The following PHIP variants were observed in gnomAD, a reference collection of about 807,000 sequenced individuals.
PHIP encodes the protein PHIP subunit of CUL4-Ring ligase complex.
Under a neutral mutation model 236.8 loss-of-function variants are expected in PHIP, and 54 were observed. That is an observed-to-expected ratio of 0.23 (90% CI 0.18 to 0.29). PHIP has a LOEUF of 0.29. Ranked by LOEUF, PHIP falls within the 10% of genes least tolerant of loss-of-function variation. The probability of loss-of-function intolerance (pLI) is 1.00; values close to 1 mark genes in which losing one functional copy is unlikely to be tolerated. For synonymous variants in PHIP, 756 were observed against 718.9 expected (o/e 1.05, Z -0.83); for missense variants, 1,370 against 2,190.8 (o/e 0.63, Z 7.48).
At position 79,015,247 on chromosome 6, in the gene PHIP, T is replaced by C. The variant is rs200214523; in HGVS notation, c.1390-31A>G. 476 of 1,540,064 alleles carry C rather than the reference T, an allele frequency of 3.1e-4. No homozygotes were observed. The highest frequency in any genetic ancestry group is 8.4e-4 in the Admixed American group (48 of 57,016). On this transcript the variant is annotated intron_variant, in intron 14 of 39. Coordinates refer to ENST00000275034, the MANE Select transcript of PHIP (RefSeq NM_017934.7). The stretch of plus-strand genomic sequence containing the variant: ...ATATTTTTGAAGTGTCAAAGAATCA[T>C]AGATATTAAAAAAGAAAGAAAAACA...
chr6:78,974,747 C>G (rs1767916599), intron 24 of PHIP, among the ~76,000 whole-genome samples: 1 of 152,058 alleles, frequency 6.6e-6, no homozygotes, highest in Admixed American at 6.6e-5. Context: ...ACAAACACTT[C>G]TACGCAAATA....
chr6:79,025,820 G>A, intron 8 of PHIP, 123 bp downstream of exon 8: 1 of 766,730 alleles, frequency 1.3e-6, no homozygotes, highest in Non-Finnish European at 2.2e-6. Context: ...CTTATATACT[G>A]GATTATAAAG....
At chr6:78,962,361 C>T (rs1357782387) in intron 30 of PHIP, among the ~76,000 whole-genome samples, 1 of 152,134 alleles carries the variant, frequency 6.6e-6, no homozygotes, top group Non-Finnish European at 1.5e-5. Context: ...CAATTTTTTG[C>T]TCATTCGCAT....
intron 27 of PHIP, among the ~76,000 whole-genome samples, chr6:78,967,797 A>G (rs935357224): frequency 1.3e-5 from 2 of 152,094 alleles, no homozygotes; most frequent in Non-Finnish European, 2.9e-5. Flanking sequence ...TTTGATCTCT[A>G]TTATTTGTTC....
chr6:78,985,225 C>A, intron 22 of PHIP, 127 bp downstream of exon 22: 1 of 644,478 alleles, frequency 1.6e-6, no homozygotes, highest in Admixed American at 2.7e-5. Context: ...ACATTTCATA[C>A]AACTTCAAAA....
chr6:78,947,530 T>C, intron 36 of PHIP, 93 bp downstream of exon 36: 2 of 627,206 alleles, frequency 3.2e-6, no homozygotes, highest in Non-Finnish European at 5.4e-6. Flanking sequence ...GAAAGTTAAC[T>C]TTGACCTAAA....
Position 79,015,846 on chromosome 6 carries a change from T to C in PHIP, c.1236-63A>G, listed in dbSNP as rs1431257463. ...TACTGACACAACAAAAACCAAAACA[T>C]ATAATCTATAATTAGTATTTATATT... On this transcript the variant is annotated intron_variant, in intron 13 of 39. Coordinates refer to ENST00000275034, the MANE Select transcript of PHIP (RefSeq NM_017934.7). The C allele has an allele frequency of 5.8e-6, 6 of 1,031,134 alleles. No individual in the cohort carries two copies. The East Asian group carries it at 1.3e-4, about 22-fold the overall frequency. The allele number at this position is 1,031,134 out of a possible 1,614,324, so 63.9% of individuals were successfully genotyped here.
In PHIP at chr6:78,940,837, C is replaced by T. The variant is rs745809630; in HGVS notation, c.5322G>A (p.Arg1774=). The part of the protein sequence containing the change: ...PHMRTRNQGR[R]TAFYNEDDSE... ...AGTCATCCTCATTATAGAAAGCTGT[C>T]CTTCGACCTTGATTTCTAGTTCTCA... The change falls in exon 40 of 40, where the codon AGG becomes AGA. Residue 1774 remains arginine, a synonymous_variant. Coordinates refer to ENST00000275034, the MANE Select transcript of PHIP (RefSeq NM_017934.7). The T allele has an allele frequency of 1.2e-6, 2 of 1,613,974 alleles. No homozygotes were observed. The highest frequency in any genetic ancestry group is 1.7e-6 in the Non-Finnish European group (2 of 1,179,932).
chr6:79,020,149 A>G (rs1771042546), intron 9 of PHIP, among the ~76,000 whole-genome samples: 1 of 151,784 alleles, frequency 6.6e-6, no homozygotes, highest in Non-Finnish European at 1.5e-5. Flanking sequence ...TGCAAAAATA[A>G]TTGCGGTTTT....
Position 79,019,058 on chromosome 6 carries a change from T to A in PHIP, c.994+31A>T, listed in dbSNP as rs779417245. The A allele has an allele frequency of 3.3e-6, 5 of 1,522,514 alleles. No individual in the cohort carries two copies. In the African/African-American group the frequency reaches 5.5e-5, roughly 17 times the overall value. 94.3% of individuals were successfully genotyped at this position (1,522,514 alleles called of 1,614,324 possible). A position where few individuals can be genotyped will look rare whatever the true frequency, so the allele number is the denominator to read the frequency against. On this transcript the variant is annotated intron_variant, in intron 10 of 39. Transcript: ENST00000275034. ...TATAAGGCTTCTAAATGAACAACTT[T>A]AAGTCGAAAATTAGAATGAGGGAAA... is the stretch of plus-strand genomic sequence containing the variant.
intron 35 of PHIP, among the ~76,000 whole-genome samples, chr6:78,949,172 C>G (rs1230839635): frequency 6.6e-6 from 1 of 151,932 alleles, no homozygotes; most frequent in East Asian, 1.9e-4. Flanking sequence ...TCCTTTGTTC[C>G]CGGTTTTCTT....
At chr6:78,981,839 G>C (rs147492147) in intron 23 of PHIP, among the ~76,000 whole-genome samples, 1 of 152,074 alleles carries the variant, frequency 6.6e-6, no homozygotes, top group Non-Finnish European at 1.5e-5. Context: ...AAGAAAATGT[G>C]TGGGTAAATG....
intron 7 of PHIP, among the ~76,000 whole-genome samples, chr6:79,032,240 GA>G (rs1428988845): frequency 6.6e-6 from 1 of 152,188 alleles, no homozygotes; most frequent in East Asian, 1.9e-4. Flanking sequence ...GATCAGGGTG[GA>G]GTTGCTGAAG....
intron 4 of PHIP, among the ~76,000 whole-genome samples, chr6:79,071,396 C>T (rs528517827): frequency 6.6e-6 from 1 of 152,174 alleles, no homozygotes; most frequent in African/African-American, 2.4e-5. Context: ...ACATTATTCA[C>T]TGCAAAGTAA....
In PHIP at chr6:78,935,046, G is replaced by C. The variant is rs552549830; in HGVS notation, c.*5647C>G. On this transcript the variant is annotated 3_prime_UTR_variant, in exon 40 of 40. Transcript: ENST00000275034. ...TGCTTTGGTCTTTAATCTTACTTCC[G>C]TTAAATACTGGGGAATCCTGGGTCA... Among the ~76,000 whole-genome samples the C allele has an allele frequency of 6.6e-6, 1 of 152,088 alleles. No individual in the cohort carries two copies. Among genetic ancestry groups the C allele is most frequent in the Non-Finnish European group, 1.5e-5 (1 of 67,994 alleles).
At chr6:78,951,169 T>C (rs1197873111) in intron 35 of PHIP, among the ~76,000 whole-genome samples, 3 of 152,148 alleles carry the variant, frequency 2.0e-5, no homozygotes, top group African/African-American at 7.2e-5. Context: ...TTACAAACTT[T>C]GTGGATTTGG....
rs1773239885 is a variant in PHIP, at chr6:78,935,436, C to CTTTT, written c.*5256_*5257insAAAA. The CTTTT allele has an allele frequency of 1.1e-6, 1 of 899,184 alleles. No homozygotes were observed. Among genetic ancestry groups the CTTTT allele is most frequent in the Non-Finnish European group, 1.3e-6 (1 of 751,598 alleles). The allele number at this position is 899,184 out of a possible 1,614,324, so 55.7% of individuals were successfully genotyped here. On this transcript the variant is annotated 3_prime_UTR_variant, in exon 40 of 40. Coordinates refer to ENST00000275034, the MANE Select transcript of PHIP (RefSeq NM_017934.7). ...TTTCTAGGAAAACTGCAATAACCTTCTTTCCATCATTCCTTTTTTCCCAGA... is the reference window on the plus strand; with the variant it reads ...TTTCTAGGAAAACTGCAATAACCTTCTTTTTTTCCATCATTCCTTTTTTCCCAGA...
At position 78,940,537 on chromosome 6, in the gene PHIP, C is replaced by CT. The variant is rs1248897677; in HGVS notation, c.*155dup. 6.1e-6 allele frequency: 1 copy of CT among 163,112 alleles called. No individual in the cohort carries two copies. Among genetic ancestry groups the CT allele is most frequent in the Non-Finnish European group, 1.2e-5 (1 of 85,330 alleles). 10.1% of individuals were successfully genotyped at this position (163,112 alleles called of 1,614,324 possible). The stretch of plus-strand genomic sequence containing the variant: ...ATATTCATTTAAAGAAGTGAAGTGT[C>CT]TCGTAAGTTTGTTTTTTTTTTTTTT... On this transcript the variant is annotated 3_prime_UTR_variant, in exon 40 of 40. Coordinates refer to ENST00000275034, the MANE Select transcript of PHIP (RefSeq NM_017934.7).
rs1238277106 is a variant in PHIP at position 78,936,710 on chromosome 6, C to T, written c.*3983G>A. 1 of 151,808 alleles carries T rather than the reference C, an allele frequency of 6.6e-6. No individual in the cohort carries two copies. Among genetic ancestry groups the T allele is most frequent in the Non-Finnish European group, 1.5e-5 (1 of 67,760 alleles). 9.4% of individuals were successfully genotyped at this position (151,808 alleles called of 1,614,324 possible). ...ACTCACTGTTCTACTGCAGTGTGTA[C>T]AAGGTTTATCTCTGGAGCGCCAAAA... On this transcript the variant is annotated 3_prime_UTR_variant, in exon 40 of 40. Coordinates refer to ENST00000275034, the MANE Select transcript of PHIP (RefSeq NM_017934.7).
Sources: allele counts gnomAD v4.1 joint callset (sites outside exome capture counted in the v4.1 genomes callset), GRCh38; gene constraint gnomAD v4.1.1; transcripts MANE v1.5; gene names NCBI Gene and HGNC (gene_info 2026-07-23, HGNC 2026-07-21).